The following NIBAN1 variants were observed in gnomAD, a reference collection of about 807,000 sequenced individuals.
NIBAN1 encodes niban apoptosis regulator 1, also known as protein Niban 1.
In NIBAN1, 81 loss-of-function variants were observed where a neutral mutation model predicts 75.1. The ratio of observed to expected loss-of-function variants is 1.08; its 90% CI spans 0.90 to 1.30. The LOEUF (loss-of-function observed/expected upper bound fraction) is 1.30, where lower values mean the gene tolerates loss of function less well. Among genes scored for constraint, NIBAN1 ranks in the 50% most tolerant of loss-of-function variants. The pLI, the probability that NIBAN1 is intolerant of heterozygous loss-of-function variation, is 0.00. For missense variants in NIBAN1, 1,133 were observed against 1,128.1 expected (o/e 1.00, Z -0.06); for synonymous variants, 436 against 424.8 (o/e 1.03, Z -0.32).
chr1:184,913,785 A>T (rs1657309611), intron 1 of NIBAN1, among the ~76,000 whole-genome samples: 1 of 152,216 alleles, frequency 6.6e-6, no homozygotes, highest in Non-Finnish European at 1.5e-5. Context: ...TGTTATTTCC[A>T]CACTGCGAAA....
intron 5 of NIBAN1, among the ~76,000 whole-genome samples, chr1:184,863,531 C>A (rs1228424152): frequency 6.6e-6 from 1 of 152,194 alleles, no homozygotes; most frequent in Non-Finnish European, 1.5e-5. Context: ...AAGCAAGCAA[C>A]TGCAATTGCA....
intron 6 of NIBAN1, among the ~76,000 whole-genome samples, chr1:184,825,399 G>A (rs995918162): frequency 2.0e-5 from 3 of 152,074 alleles, no homozygotes; most frequent in Admixed American, 6.6e-5. Context: ...CTTACAAAAA[G>A]CATCTTTAAT....
chr1:184,798,054 T>C (rs1416114968), intron 13 of NIBAN1, 25 bp downstream of exon 13: 3 of 1,528,112 alleles, frequency 2.0e-6, no homozygotes, highest in Non-Finnish European at 1.8e-6. Flanking sequence ...GGAGTGTCCC[T>C]GCAGCACCAG....
intron 8 of NIBAN1, among the ~76,000 whole-genome samples, chr1:184,820,809 T>C (rs1421485438): frequency 2.6e-5 from 4 of 152,206 alleles, no homozygotes; most frequent in Non-Finnish European, 5.9e-5. Flanking sequence ...TTATCATCTG[T>C]AAAATGGAGA....
chr1:184,812,619 G>A (rs1398924646), intron 9 of NIBAN1, among the ~76,000 whole-genome samples: 3 of 152,116 alleles, frequency 2.0e-5, no homozygotes, highest in Non-Finnish European at 4.4e-5. Flanking sequence ...ACTTTCTCTT[G>A]GTCTCTGCCT....
Position 184,974,280 on chromosome 1 carries a change from G to GC in NIBAN1, c.55+21dup, listed in dbSNP as rs892901769. On this transcript the variant is annotated intron_variant, in intron 1 of 13. Coordinates refer to ENST00000367511, the MANE Select transcript of NIBAN1 (RefSeq NM_052966.4). Reference sequence around the variant, plus strand: ...GTGCACGGGTCAGGGTGCTCCCCAGGCCCCCGGGCGGGCGGGCGTACCTCG... The same window carrying GC: ...GTGCACGGGTCAGGGTGCTCCCCAGGCCCCCCGGGCGGGCGGGCGTACCTCG... 1.9e-6 allele frequency: 3 copies of GC among 1,548,334 alleles called. No individual in the cohort carries two copies. In the African/African-American group the frequency reaches 4.1e-5, roughly 21 times the overall value.
At chr1:184,962,392 G>C (rs946583113) in intron 1 of NIBAN1, among the ~76,000 whole-genome samples, 1 of 152,026 alleles carries the variant, frequency 6.6e-6, no homozygotes, top group Admixed American at 6.5e-5. Context: ...GTGCCTTTGA[G>C]AACCATGATT....
At chr1:184,941,858 C>G (rs1658096977) in intron 1 of NIBAN1, among the ~76,000 whole-genome samples, 1 of 152,144 alleles carries the variant, frequency 6.6e-6, no homozygotes, top group African/African-American at 2.4e-5. Context: ...CTGCAGTATT[C>G]TCAGAGATGC....
intron 2 of NIBAN1, 63 bp from the exon 3 acceptor site, chr1:184,894,269 G>T: frequency 6.7e-7 from 1 of 1,484,300 alleles, no homozygotes; most frequent in Non-Finnish European, 8.9e-7. Context: ...TTACCACAAA[G>T]TTATCCATGC....
At chr1:184,889,974 G>A in intron 4 of NIBAN1, 134 bp downstream of exon 4, 1 of 689,842 alleles carries the variant, frequency 1.4e-6, no homozygotes, top group Middle Eastern at 2.7e-4. Context: ...TTCCAATTGT[G>A]ACAAACAAAA....
chr1:184,913,387 T>C (rs1049836221), intron 1 of NIBAN1, among the ~76,000 whole-genome samples: 3 of 152,010 alleles, frequency 2.0e-5, no homozygotes, highest in African/African-American at 7.2e-5. Flanking sequence ...CAATGAGAGA[T>C]GCATCATTTA....
At chr1:184,961,344 C>T (rs1047723086) in intron 1 of NIBAN1, among the ~76,000 whole-genome samples, 1 of 152,086 alleles carries the variant, frequency 6.6e-6, no homozygotes, top group Non-Finnish European at 1.5e-5. Context: ...GCTGGGATTA[C>T]AGTAGTGAGC....
intron 9 of NIBAN1, among the ~76,000 whole-genome samples, chr1:184,815,525 T>C (rs1654501994): frequency 6.6e-6 from 1 of 152,220 alleles, no homozygotes; most frequent in Non-Finnish European, 1.5e-5. Context: ...CCCAAGATCA[T>C]GGATCAAGAC....
chr1:184,808,085 A>T lies in NIBAN1; in HGVS notation c.1324T>A (p.Tyr442Asn), dbSNP rs1266461304. Residue 442 changes from tyrosine to asparagine, a missense_variant, in exon 10 of 14, where the codon TAC (tyrosine) becomes AAC (asparagine). Tyr to Asn is a moderately radical substitution (Grantham distance 143, BLOSUM62 -2). Coordinates refer to ENST00000367511, the MANE Select transcript of NIBAN1 (RefSeq NM_052966.4). The stretch of plus-strand genomic sequence containing the variant: ...CCTGCCACACCCACCTCCTGCATGT[A>T]GTTCTGTGTCCTCTGAACCACCAGA... ...IDLVVQRTQN[Y>N]MQELMENAVF... 3.1e-6 allele frequency: 5 copies of T among 1,613,778 alleles called. No homozygotes were observed. The highest frequency in any genetic ancestry group is 3.3e-5 in the Admixed American group (2 of 59,986).
At chr1:184,960,494 G>C (rs1658601639) in intron 1 of NIBAN1, among the ~76,000 whole-genome samples, 2 of 152,146 alleles carry the variant, frequency 1.3e-5, no homozygotes, top group South Asian at 4.1e-4. Context: ...CAGGAACTGT[G>C]AACCAAACAC....
intron 5 of NIBAN1, among the ~76,000 whole-genome samples, chr1:184,844,770 C>T (rs1329843125): frequency 6.6e-6 from 1 of 152,122 alleles, no homozygotes; most frequent in Non-Finnish European, 1.5e-5. Context: ...TTTCCAAAGA[C>T]CTAAGAAATT....
chr1:184,922,215 C>T (rs1657572751), intron 1 of NIBAN1, among the ~76,000 whole-genome samples: 1 of 152,100 alleles, frequency 6.6e-6, no homozygotes, highest in Admixed American at 6.5e-5. Context: ...GGGTAGCCAT[C>T]ACATCAAGCA....
chr1:184,957,324 C>A (rs1015325927), intron 1 of NIBAN1, among the ~76,000 whole-genome samples: 4 of 152,274 alleles, frequency 2.6e-5, no homozygotes, highest in African/African-American at 9.6e-5. Flanking sequence ...TTAAACCCTG[C>A]GTCCGACTCT....
In NIBAN1 at chr1:184,794,502, T is replaced by A; in HGVS notation, c.*475A>T. The A allele has an allele frequency of 4.1e-6, 1 of 242,010 alleles. No homozygotes were observed. The highest frequency in any genetic ancestry group is 4.9e-5 in the South Asian group (1 of 20,426). The allele number at this position is 242,010 out of a possible 1,614,324, so 15.0% of individuals were successfully genotyped here. Reference sequence around the variant, plus strand: ...GACCTACCCTCTCTTGCAGTCTGACTGTGGACAAATGCCGAGTCCTTAAGA... The same window carrying A: ...GACCTACCCTCTCTTGCAGTCTGACAGTGGACAAATGCCGAGTCCTTAAGA... On this transcript the variant is annotated 3_prime_UTR_variant, in exon 14 of 14. Coordinates refer to ENST00000367511, the MANE Select transcript of NIBAN1 (RefSeq NM_052966.4).
Sources: gnomAD v4.1 joint callset for allele counts (sites outside exome capture counted in the v4.1 genomes callset) on GRCh38, gnomAD v4.1.1 for gene constraint, MANE v1.5 for transcripts, NCBI Gene and HGNC (gene_info 2026-07-23, HGNC 2026-07-21) for gene names.